RORA: variants seen among roughly 807,000 people sequenced by gnomAD.
The protein encoded by RORA is RAR related orphan receptor A, also known as nuclear receptor ROR-alpha.
In RORA, 7 loss-of-function variants were observed where a neutral mutation model predicts 69.5. The observed-to-expected ratio is 0.10, with a 90% CI of 0.06 to 0.19. The LOEUF (loss-of-function observed/expected upper bound fraction) is 0.19. Ranked by LOEUF, RORA falls within the 10% of genes least tolerant of loss-of-function variation. The probability of loss-of-function intolerance (pLI) is 1.00; values close to 1 mark genes in which losing one functional copy is unlikely to be tolerated. For missense variants in RORA, 457 were observed against 663.0 expected (o/e 0.69, Z 3.41); for synonymous variants, 261 against 240.8 (o/e 1.08, Z -0.78).
intron 1 of RORA, among the ~76,000 whole-genome samples, chr15:61,181,726 T>C (rs538915358): frequency 1.3e-5 from 2 of 149,874 alleles, no homozygotes; most frequent in African/African-American, 4.9e-5. Context: ...CATTTCCATG[T>C]TCAGCTTTAA....
chr15:61,113,282 G>A (rs1013285379), intron 1 of RORA, among the ~76,000 whole-genome samples: 2 of 152,164 alleles, frequency 1.3e-5, no homozygotes, highest in Non-Finnish European at 2.9e-5. Context: ...AAGATGTTTC[G>A]AACTCAGGAC....
At chr15:60,572,255 A>G (rs1016297218) in intron 2 of RORA, among the ~76,000 whole-genome samples, 1 of 152,200 alleles carries the variant, frequency 6.6e-6, no homozygotes, top group African/African-American at 2.4e-5. Flanking sequence ...TGCATTTCAC[A>G]TGGCCAGCAA....
At chr15:61,132,591 T>G (rs1408020672) in intron 1 of RORA, among the ~76,000 whole-genome samples, 2 of 152,188 alleles carry the variant, frequency 1.3e-5, no homozygotes, top group South Asian at 2.1e-4. Flanking sequence ...ATAATTCCAG[T>G]TGTAAAAAAA....
At chr15:60,501,439 A>G (rs1412364176) in intron 8 of RORA, among the ~76,000 whole-genome samples, 1 of 152,190 alleles carries the variant, frequency 6.6e-6, no homozygotes, top group African/African-American at 2.4e-5. Context: ...AGCTCTATGA[A>G]GGAGGGATTA....
chr15:60,731,733 G>T (rs1024723358), intron 1 of RORA, among the ~76,000 whole-genome samples: 5 of 152,190 alleles, frequency 3.3e-5, no homozygotes, highest in African/African-American at 1.2e-4. Context: ...ACTCCAGGCA[G>T]CCACTACCAG....
rs930286973 is a variant in RORA, at chr15:60,516,238, T to A, written c.283-1481A>T. Among the ~76,000 whole-genome samples, 239 of 59,182 alleles carry A rather than the reference T, an allele frequency of 4.0e-3. 8 individuals carry two copies. Among genetic ancestry groups the A allele is most frequent in the Admixed American group, 9.0e-3 (32 of 3,540 alleles). 38.8% of individuals were successfully genotyped at this position (59,182 alleles called of 152,430 possible). A position where few individuals can be genotyped will look rare whatever the true frequency, so the allele number is the denominator to read the frequency against. On this transcript the variant is annotated intron_variant, in intron 3 of 10. Transcript: ENST00000335670. Reference sequence around the variant, plus strand: ...ATATATATATTTATATATATATTTATATATATATATTTATATATATATATT... The same window carrying A: ...ATATATATATTTATATATATATTTAAATATATATATTTATATATATATATT...
intron 2 of RORA, among the ~76,000 whole-genome samples, chr15:60,624,486 A>ATATATATATATATAT (rs2069512186): frequency 8.2e-6 from 1 of 122,214 alleles, no homozygotes; most frequent in Admixed American, 8.5e-5. Context: ...ATATATATAT[A>ATATATATATATATAT]TATATATATA....
intron 2 of RORA, among the ~76,000 whole-genome samples, chr15:60,577,785 G>A (rs1343278319): frequency 6.6e-6 from 1 of 151,984 alleles, no homozygotes; most frequent in Non-Finnish European, 1.5e-5. Flanking sequence ...TAAACACATT[G>A]CATATTAACA....
chr15:60,742,188 AC>A (rs2071583562), intron 1 of RORA, among the ~76,000 whole-genome samples: 1 of 152,136 alleles, frequency 6.6e-6, no homozygotes, highest in African/African-American at 2.4e-5. Flanking sequence ...GTGTCTCCTC[AC>A]TGTCATCCAC....
intron 1 of RORA, among the ~76,000 whole-genome samples, chr15:61,018,451 T>A (rs1485070349): frequency 6.6e-6 from 1 of 152,178 alleles, no homozygotes; most frequent in African/African-American, 2.4e-5. Flanking sequence ...ACTTTATAAA[T>A]GTAAGGTGTC....
intron 2 of RORA, among the ~76,000 whole-genome samples, chr15:60,596,401 C>A (rs1482100216): frequency 6.6e-6 from 1 of 152,082 alleles, no homozygotes; most frequent in Non-Finnish European, 1.5e-5. Context: ...TCCTAGGCAG[C>A]TTGATTCAAT....
intron 1 of RORA, among the ~76,000 whole-genome samples, chr15:61,160,757 A>T (rs1227802097): frequency 2.0e-5 from 3 of 152,216 alleles, no homozygotes; most frequent in African/African-American, 4.8e-5. Context: ...TTCTCTGGGA[A>T]ATATTAGGGG....
intron 1 of RORA, among the ~76,000 whole-genome samples, chr15:60,692,670 G>A (rs1280194147): frequency 6.6e-6 from 1 of 152,210 alleles, no homozygotes; most frequent in Non-Finnish European, 1.5e-5. Flanking sequence ...CTGAATCTGG[G>A]TGTTGGGTAT....
chr15:61,029,183 T>C (rs1455846584), intron 1 of RORA, among the ~76,000 whole-genome samples: 1 of 151,282 alleles, frequency 6.6e-6, no homozygotes, highest in African/African-American at 2.4e-5. Flanking sequence ...CCGAACCAGA[T>C]GGTCTGTGAA....
At chr15:60,698,401 A>T (rs2070934400) in intron 1 of RORA, among the ~76,000 whole-genome samples, 1 of 152,194 alleles carries the variant, frequency 6.6e-6, no homozygotes. Flanking sequence ...AAAGCACTCC[A>T]ATATCTTTCT....
chr15:60,849,741 T>A (rs991814626), intron 1 of RORA, among the ~76,000 whole-genome samples: 3 of 152,216 alleles, frequency 2.0e-5, no homozygotes, highest in Non-Finnish European at 2.9e-5. Context: ...CATTGCGATG[T>A]CTCTGAATGT....
intron 1 of RORA, among the ~76,000 whole-genome samples, chr15:60,902,760 C>T (rs182953441): frequency 1.3e-5 from 2 of 152,302 alleles, no homozygotes; most frequent in East Asian, 1.9e-4. Flanking sequence ...CGTGGTTGAA[C>T]GAGGTCACTG....
intron 1 of RORA, among the ~76,000 whole-genome samples, chr15:60,856,620 T>C (rs2073383541): frequency 6.6e-6 from 1 of 152,166 alleles, no homozygotes; most frequent in Non-Finnish European, 1.5e-5. Context: ...ACATTTTACA[T>C]CATGCTTGAA....
chr15:60,565,869 C>T (rs1224981855), intron 2 of RORA, among the ~76,000 whole-genome samples: 1 of 152,144 alleles, frequency 6.6e-6, no homozygotes, highest in Non-Finnish European at 1.5e-5. Context: ...AGGTATTTGA[C>T]GGATTTATGA....
Sources: gnomAD v4.1 joint callset for allele counts (sites outside exome capture counted in the v4.1 genomes callset) on GRCh38, gnomAD v4.1.1 for gene constraint, MANE v1.5 for transcripts, NCBI Gene and HGNC (gene_info 2026-07-23, HGNC 2026-07-21) for gene names.